The following SGCZ variants were observed in gnomAD, a reference collection of about 807,000 sequenced individuals.
SGCZ encodes the protein sarcoglycan zeta.
SGCZ carries 40 observed loss-of-function variants against 41.3 expected under a neutral mutation model. The observed-to-expected ratio is 0.97, with a 90% CI of 0.75 to 1.26. The LOEUF is 1.26. Ranked by LOEUF, SGCZ falls within the 50% of genes most tolerant of loss-of-function variation. The pLI, the probability that SGCZ is intolerant of heterozygous loss-of-function variation, is 0.00. For missense variants in SGCZ, 552 were observed against 369.8 expected, an observed-to-expected ratio of 1.49 and a Z score of -4.04; for synonymous variants, 206 against 137.5, an observed-to-expected ratio of 1.50 and a Z score of -3.49.
In SGCZ at chr8:14,087,380, T is replaced by C. The variant is rs368339334; in HGVS notation, c.*3063A>G. On this transcript the variant is annotated 3_prime_UTR_variant, in exon 8 of 8. Coordinates refer to ENST00000382080, the MANE Select transcript of SGCZ (RefSeq NM_139167.4). ...TGTGTCCTCTTTGCATCTTTCCTTT[T>C]GTGATCCCCCAAACCTGAATTCAGA... Among the ~76,000 whole-genome samples, 127 of 151,782 alleles carry C rather than the reference T, an allele frequency of 8.4e-4. 1 individual carries two copies. Among genetic ancestry groups the C allele is most frequent in the African/African-American group, 2.8e-3 (115 of 41,506 alleles).
At chr8:14,432,987 G>A (rs1258024999) in intron 2 of SGCZ, among the ~76,000 whole-genome samples, 2 of 144,792 alleles carry the variant, frequency 1.4e-5, no homozygotes, top group East Asian at 4.0e-4. Flanking sequence ...AATAACCTAT[G>A]GAAACAAAAC....
chr8:14,375,709 C>T (rs923910695), intron 2 of SGCZ, among the ~76,000 whole-genome samples: 2 of 152,008 alleles, frequency 1.3e-5, no homozygotes, highest in Admixed American at 6.6e-5. Context: ...ATATGGGAAA[C>T]ATTTAAAGCA....
intron 2 of SGCZ, among the ~76,000 whole-genome samples, chr8:14,335,518 C>G (rs1802478413): frequency 6.6e-6 from 1 of 152,020 alleles, no homozygotes. Flanking sequence ...ATCCGTTATA[C>G]CTTATTATAC....
intron 4 of SGCZ, among the ~76,000 whole-genome samples, chr8:14,230,669 ATAT>A (rs1020465143): frequency 2.3e-4 from 35 of 151,994 alleles, no homozygotes; most frequent in African/African-American, 8.4e-4. Context: ...TGTCCCCACA[ATAT>A]TATTAGTGAA....
chr8:14,489,319 A>C (rs1253518209), intron 2 of SGCZ, among the ~76,000 whole-genome samples: 1 of 152,170 alleles, frequency 6.6e-6, no homozygotes, highest in Non-Finnish European at 1.5e-5. Flanking sequence ...TTCGGTGGCC[A>C]CAAAATTATA....
chr8:14,417,717 T>C (rs1799532767), intron 2 of SGCZ, among the ~76,000 whole-genome samples: 1 of 151,822 alleles, frequency 6.6e-6, no homozygotes, highest in African/African-American at 2.4e-5. Flanking sequence ...AGATAGCAAG[T>C]TGAGAACTTG....
intron 1 of SGCZ, among the ~76,000 whole-genome samples, chr8:15,108,299 G>T (rs895985220): frequency 6.6e-6 from 1 of 152,124 alleles, no homozygotes; most frequent in East Asian, 1.9e-4. Flanking sequence ...CACTCAGAAA[G>T]TGATTAAATT....
At chr8:14,446,878 G>C (rs1015979408) in intron 2 of SGCZ, among the ~76,000 whole-genome samples, 5 of 152,090 alleles carry the variant, frequency 3.3e-5, no homozygotes, top group African/African-American at 1.2e-4. Context: ...ATCACGAGGA[G>C]ATTATAGCAG....
Position 14,796,734 on chromosome 8 carries a change from C to A in SGCZ, c.40-241808G>T, listed in dbSNP as rs540583136. 2.6e-5 allele frequency among the ~76,000 whole-genome samples: 4 copies of A among 152,254 alleles called. No individual in the cohort carries two copies. The South Asian group carries it at 8.3e-4, about 32-fold the overall frequency. On this transcript the variant is annotated intron_variant, in intron 1 of 7. Coordinates refer to ENST00000382080, the MANE Select transcript of SGCZ (RefSeq NM_139167.4). ...TCAAAACTGTATTAGCCATGTGTCC[C>A]CATCCAAATCTCATCTCAAATTGCA...
intron 2 of SGCZ, among the ~76,000 whole-genome samples, chr8:14,553,094 T>A (rs937488525): frequency 6.6e-6 from 1 of 152,054 alleles, no homozygotes; most frequent in African/African-American, 2.4e-5. Context: ...GACAAAAGAA[T>A]GTGCAGGAGC....
intron 2 of SGCZ, among the ~76,000 whole-genome samples, chr8:14,456,746 A>C (rs546093310): frequency 6.6e-6 from 1 of 152,176 alleles, no homozygotes; most frequent in African/African-American, 2.4e-5. Context: ...TCTCATGTTG[A>C]ATTGTCATCT....
intron 1 of SGCZ, among the ~76,000 whole-genome samples, chr8:14,730,434 C>T (rs116046865): frequency 6.6e-6 from 1 of 150,618 alleles, no homozygotes; most frequent in African/African-American, 2.5e-5. Context: ...GCAACCTGCT[C>T]TTGTATGTTC....
chr8:14,537,275 T>C (rs567847877), intron 2 of SGCZ, among the ~76,000 whole-genome samples: 22 of 151,998 alleles, frequency 1.4e-4, no homozygotes, highest in Non-Finnish European at 2.7e-4. Flanking sequence ...TATCACTTCA[T>C]TTTCAAGACC....
chr8:14,927,195 G>C (rs1035689982), intron 1 of SGCZ, among the ~76,000 whole-genome samples: 1 of 131,652 alleles, frequency 7.6e-6, no homozygotes, highest in Non-Finnish European at 1.5e-5. Flanking sequence ...TGCAAGCTCC[G>C]CCTCCGAGGT....
At chr8:14,108,408 A>G (rs147879431) in intron 5 of SGCZ, among the ~76,000 whole-genome samples, 173 bp from the exon 6 acceptor site, 1 of 152,344 alleles carries the variant, frequency 6.6e-6, no homozygotes, top group African/African-American at 2.4e-5. Flanking sequence ...ACTGAGAAGA[A>G]AAAGAGGTTT....
At chr8:14,976,361 G>C (rs1271285471) in intron 1 of SGCZ, among the ~76,000 whole-genome samples, 1 of 152,064 alleles carries the variant, frequency 6.6e-6, no homozygotes, top group Non-Finnish European at 1.5e-5. Context: ...AGGGCCATAT[G>C]TGTGACACTT....
At chr8:14,746,121 T>A (rs1338842669) in intron 1 of SGCZ, among the ~76,000 whole-genome samples, 1 of 152,066 alleles carries the variant, frequency 6.6e-6, no homozygotes, top group Non-Finnish European at 1.5e-5. Context: ...ATAAATATAT[T>A]TGTACAGCAT....
chr8:14,671,147 G>A (rs978621885), intron 1 of SGCZ, among the ~76,000 whole-genome samples: 6 of 152,160 alleles, frequency 3.9e-5, no homozygotes, highest in Admixed American at 3.9e-4. Context: ...GTAGGACTGA[G>A]TCATCCATTT....
At chr8:14,777,559 T>A (rs1030883068) in intron 1 of SGCZ, among the ~76,000 whole-genome samples, 1 of 152,236 alleles carries the variant, frequency 6.6e-6, no homozygotes, top group African/African-American at 2.4e-5. Context: ...CATGTATCTT[T>A]AATCTCATAT....
Sources: gnomAD v4.1 joint callset for allele counts (sites outside exome capture counted in the v4.1 genomes callset) on GRCh38, gnomAD v4.1.1 for gene constraint, MANE v1.5 for transcripts, NCBI Gene and HGNC (gene_info 2026-07-23, HGNC 2026-07-21) for gene names.